Variants in CNTN5 observed in about 807,000 individuals in gnomAD.
CNTN5 encodes contactin 5, also known as contactin-5.
A neutral mutation model predicts 129.1 loss-of-function variants in CNTN5; 77 were observed. The observed-to-expected ratio is 0.60, with a 90% CI of 0.50 to 0.72. CNTN5 has a LOEUF of 0.72. Among genes scored for constraint, CNTN5 ranks in the 30% least tolerant of loss-of-function variants. CNTN5 has a pLI of 0.00. For synonymous variants in CNTN5, 509 were observed against 465.6 expected (o/e 1.09, Z -1.20); for missense variants, 1,478 against 1,328.8 (o/e 1.11, Z -1.75).
rs533277921 is a variant in CNTN5, at chr11:99,814,101, AAGAG to A, written c.56-5439_56-5436del. 2.6e-4 allele frequency among the ~76,000 whole-genome samples: 39 copies of A among 152,300 alleles called. 1 individual carries two copies. In the East Asian group the frequency reaches 6.9e-3, roughly 27 times the overall value. On this transcript the variant is annotated intron_variant, in intron 3 of 24. Transcript: ENST00000524871. The stretch of plus-strand genomic sequence containing the variant: ...CAAGCATACAAAAAATTGATGCTGA[AAGAG>A]AGACAGAAGGAATCATCTGGAGAGA...
chr11:100,196,298 C>T (rs1052890782), intron 15 of CNTN5, among the ~76,000 whole-genome samples: 1 of 149,756 alleles, frequency 6.7e-6, no homozygotes, highest in African/African-American at 2.4e-5. Flanking sequence ...ACTAACTAAA[C>T]CTCTCAGGTG....
intron 3 of CNTN5, among the ~76,000 whole-genome samples, chr11:99,567,360 A>G (rs1949038705): frequency 7.3e-6 from 1 of 137,210 alleles, no homozygotes; most frequent in Admixed American, 7.2e-5. Context: ...AACAACAACA[A>G]AAGGCATTTT....
At chr11:99,289,979 A>T (rs1034794681) in intron 1 of CNTN5, among the ~76,000 whole-genome samples, 1 of 151,820 alleles carries the variant, frequency 6.6e-6, no homozygotes, top group African/African-American at 2.4e-5. Flanking sequence ...ATGCTTCTCT[A>T]ATAATCATAT....
chr11:99,652,297 A>G (rs1419679843), intron 3 of CNTN5, among the ~76,000 whole-genome samples: 1 of 152,052 alleles, frequency 6.6e-6, no homozygotes, highest in Non-Finnish European at 1.5e-5. Context: ...TTACTTCTTC[A>G]GTGCCAGCAG....
At chr11:99,964,193 C>G (rs539799465) in intron 8 of CNTN5, among the ~76,000 whole-genome samples, 5 of 152,250 alleles carry the variant, frequency 3.3e-5, no homozygotes, top group South Asian at 2.1e-4. Flanking sequence ...ACTTCCAACA[C>G]TATGTTGAAT....
At chr11:99,520,339 C>T (rs1261314843) in intron 2 of CNTN5, among the ~76,000 whole-genome samples, 1 of 152,020 alleles carries the variant, frequency 6.6e-6, no homozygotes, top group Admixed American at 6.6e-5. Flanking sequence ...ACTATTATTT[C>T]TCATTTTTAT....
chr11:99,915,047 T>C (rs974690369), intron 6 of CNTN5, among the ~76,000 whole-genome samples: 1 of 152,084 alleles, frequency 6.6e-6, no homozygotes, highest in Non-Finnish European at 1.5e-5. Flanking sequence ...ATTTTAAAAA[T>C]CTATTTTACA....
intron 8 of CNTN5, among the ~76,000 whole-genome samples, chr11:99,982,540 A>C (rs531906247): frequency 6.6e-5 from 10 of 152,368 alleles, no homozygotes; most frequent in Non-Finnish European, 1.0e-4. Flanking sequence ...AGGTATTATG[A>C]AATCACAGTT....
chr11:99,082,188 C>CT lies in CNTN5; in HGVS notation c.-210+60934dup, dbSNP rs747509458. On this transcript the variant is annotated intron_variant, in intron 1 of 24. Coordinates refer to ENST00000524871, the MANE Select transcript of CNTN5 (RefSeq NM_014361.4). ...TGTAACCGCCAGTGTTCTCCAAAAG[C>CT]TTTTTTTTTTTTTTTTGAGACTGAG... 6.8e-3 allele frequency among the ~76,000 whole-genome samples: 897 copies of CT among 132,692 alleles called. 10 individuals are homozygous for CT. The highest frequency in any genetic ancestry group is 0.022 in the East Asian group (99 of 4,512). The allele number at this position is 132,692 out of a possible 152,430, so 87.1% of individuals were successfully genotyped here.
chr11:100,252,196 G>T (rs1565372759), intron 16 of CNTN5, among the ~76,000 whole-genome samples: 1 of 152,028 alleles, frequency 6.6e-6, no homozygotes, highest in African/African-American at 2.4e-5. Flanking sequence ...TCATATATTT[G>T]TGGTCATTTG....
At chr11:99,677,089 A>G (rs1953321112) in intron 3 of CNTN5, among the ~76,000 whole-genome samples, 1 of 152,144 alleles carries the variant, frequency 6.6e-6, no homozygotes, top group Admixed American at 6.6e-5. Context: ...GCAAAATAAG[A>G]TTTTTGTGAG....
rs1456531077 is a variant in CNTN5 at position 100,196,075 on chromosome 11, A to G, written c.1884+2412A>G. On this transcript the variant is annotated intron_variant, in intron 15 of 24. Transcript: ENST00000524871. ...ACTCAAGGTCTGCTTTGAGTTTCCA[A>G]GAAGAGTCATTAAAGGATCTCCTAA... Among the ~76,000 whole-genome samples the G allele has an allele frequency of 2.6e-5, 4 of 151,882 alleles. 1 individual carries two copies. The highest frequency in any genetic ancestry group is 4.1e-4 in the South Asian group (2 of 4,822).
chr11:99,216,198 T>C (rs895585008), intron 1 of CNTN5, among the ~76,000 whole-genome samples: 11 of 152,140 alleles, frequency 7.2e-5, no homozygotes, highest in Non-Finnish European at 1.6e-4. Flanking sequence ...ACTCTCTATC[T>C]TCATAAGTCC....
At chr11:99,155,413 TAACACA>T (rs1263961858) in intron 1 of CNTN5, among the ~76,000 whole-genome samples, 1 of 152,208 alleles carries the variant, frequency 6.6e-6, no homozygotes, top group Non-Finnish European at 1.5e-5. Flanking sequence ...AATAAACAGA[TAACACA>T]ACTACACGCT....
chr11:99,566,639 C>A (rs1351455882), intron 3 of CNTN5, among the ~76,000 whole-genome samples: 1 of 152,044 alleles, frequency 6.6e-6, no homozygotes, highest in African/African-American at 2.4e-5. Flanking sequence ...AGAGGATTTG[C>A]AGAAAAGGGT....
chr11:100,302,712 C>A (rs1437211360), intron 20 of CNTN5, among the ~76,000 whole-genome samples: 1 of 151,602 alleles, frequency 6.6e-6, no homozygotes, highest in Non-Finnish European at 1.5e-5. Context: ...TACAGTACTA[C>A]TTCTCAACCT....
At chr11:100,040,076 T>C (rs917238613) in intron 9 of CNTN5, among the ~76,000 whole-genome samples, 2 of 150,998 alleles carry the variant, frequency 1.3e-5, no homozygotes, top group African/African-American at 4.9e-5. Context: ...TTTTCTGCTC[T>C]TTTTTTTTCC....
At chr11:99,786,176 T>C (rs988622434) in intron 3 of CNTN5, among the ~76,000 whole-genome samples, 1 of 152,068 alleles carries the variant, frequency 6.6e-6, no homozygotes, top group African/African-American at 2.4e-5. Flanking sequence ...ACAAAATCAA[T>C]GTGCAAAAAT....
intron 2 of CNTN5, among the ~76,000 whole-genome samples, chr11:99,541,956 C>CAAAAAAAAAAAAAA (rs56363127): frequency 9.2e-4 from 63 of 68,816 alleles, no homozygotes; most frequent in East Asian, 1.2e-3. Flanking sequence ...GATCTTGTCT[C>CAAAAAAAAAAAAAA]AAAAAAAAAA....
Sources: allele counts gnomAD v4.1 joint callset (sites outside exome capture counted in the v4.1 genomes callset), GRCh38; gene constraint gnomAD v4.1.1; transcripts MANE v1.5; gene names NCBI Gene and HGNC (gene_info 2026-07-23, HGNC 2026-07-21).